ACOX3: variants seen among roughly 807,000 people sequenced by gnomAD.
ACOX3 encodes peroxisomal acyl-coenzyme A oxidase 3.
In ACOX3, 73 loss-of-function variants were observed where a neutral mutation model predicts 81.5. The ratio of observed to expected loss-of-function variants is 0.90; its 90% confidence interval spans 0.74 to 1.09. The LOEUF is 1.09. ACOX3 is among the 50% of genes least tolerant of loss of function. ACOX3 has a pLI of 0.00. For missense variants in ACOX3, 947 were observed against 928.0 expected (o/e 1.02, Z -0.27); for synonymous variants, 387 against 375.1 (o/e 1.03, Z -0.37).
intron 1 of ACOX3, among the ~76,000 whole-genome samples, chr4:8,435,020 A>T (rs1056242707): frequency 7.9e-5 from 12 of 152,352 alleles, no homozygotes; most frequent in African/African-American, 2.6e-4. Context: ...ACACAAAGTA[A>T]GCCCACTCCG....
rs1722105125 is a variant in ACOX3 at position 8,414,395 on chromosome 4, C to T, written c.454-14G>A. 11 of 1,610,942 alleles carry T rather than the reference C, an allele frequency of 6.8e-6. No individual in the cohort carries two copies. Among genetic ancestry groups the T allele is most frequent in the Non-Finnish European group, 9.3e-6 (11 of 1,177,064 alleles). ...ACATCCAAAAATCTAAATGTCAAAG[C>T]ACAAAATGATGGAAAGCAAGAAAAG... is the stretch of plus-strand genomic sequence containing the variant. On this transcript the variant is annotated splice_polypyrimidine_tract_variant and intron_variant, in intron 4 of 17. Transcript: ENST00000356406. The surrounding 1 kb of genome is among the most constrained non-coding windows in gnomAD (Gnocchi z 6.1).
chr4:8,375,233 C>T, intron 14 of ACOX3, 81 bp from the exon 15 acceptor site: 3 of 1,387,660 alleles, frequency 2.2e-6, no homozygotes, highest in Non-Finnish European at 2.9e-6. Flanking sequence ...TCTCAGGAAA[C>T]ACGAACGCGG....
chr4:8,405,879 G>C lies in ACOX3; in HGVS notation c.776+76C>G, dbSNP rs181069926. The C allele has an allele frequency of 5.0e-4, 704 of 1,419,672 alleles. 1 individual carries two copies. The highest frequency in any genetic ancestry group is 1.2e-3 in the Admixed American group (69 of 59,672). 87.9% of individuals were successfully genotyped at this position (1,419,672 alleles called of 1,614,324 possible). On this transcript the variant is annotated intron_variant, in intron 7 of 17. Coordinates refer to ENST00000356406, the MANE Select transcript of ACOX3 (RefSeq NM_003501.3). The surrounding 1 kb of genome is among the most constrained non-coding windows in gnomAD (Gnocchi z 7.1). ...AGGGCATGGCATCCATGGGGCCAGT[G>C]AGATCTCAGACATGAGCGACAACGC...
intron 14 of ACOX3, among the ~76,000 whole-genome samples, chr4:8,380,899 G>T (rs1172899322): frequency 6.6e-6 from 1 of 152,186 alleles, no homozygotes; most frequent in African/African-American, 2.4e-5. Context: ...GACAGGGTGG[G>T]GGCTGGGCTC....
At chr4:8,393,641 A>ACACATG (rs1719327015) in intron 10 of ACOX3, among the ~76,000 whole-genome samples, 1 of 52,942 alleles carries the variant, frequency 1.9e-5, no homozygotes, top group Non-Finnish European at 4.3e-5. Context: ...ACACACGCAC[A>ACACATG]CACACACACA....
In ACOX3 at chr4:8,386,394, G is replaced by A. The variant is rs568578503; in HGVS notation, c.1537+2779C>T. Among the ~76,000 whole-genome samples the A allele has an allele frequency of 1.1e-4, 17 of 151,912 alleles. No individual in the cohort carries two copies. In the East Asian group the frequency reaches 2.3e-3, roughly 21 times the overall value. On this transcript the variant is annotated intron_variant, in intron 13 of 17. Coordinates refer to ENST00000356406, the MANE Select transcript of ACOX3 (RefSeq NM_003501.3). This position sits in a 1 kb window ranked among gnomAD's most constrained non-coding sequence, Gnocchi z 5.2. ...ATCCTGCCTAACACGGTGAAACTCC[G>A]TCTCTACTAAAAATACAAAAAATTA...
At position 8,389,993 on chromosome 4, in the gene ACOX3, C is replaced by T. The variant is rs1718770077; in HGVS notation, c.1301-259G>A. ...TGGTGTGTGCCTGTAATCTCAGCTA[C>T]TCGGGAGGCTGAGGCAGGAGAATCG... On this transcript the variant is annotated intron_variant, in intron 11 of 17. Coordinates refer to ENST00000356406, the MANE Select transcript of ACOX3 (RefSeq NM_003501.3). This position sits in a 1 kb window ranked among gnomAD's most constrained non-coding sequence, Gnocchi z 5.3. Among the ~76,000 whole-genome samples, 1 of 151,782 alleles carries T rather than the reference C, an allele frequency of 6.6e-6. No homozygotes were observed. The highest frequency in any genetic ancestry group is 1.5e-5 in the Non-Finnish European group (1 of 67,972).
intron 13 of ACOX3, among the ~76,000 whole-genome samples, chr4:8,387,463 G>A (rs981967983): frequency 2.0e-5 from 3 of 152,240 alleles, no homozygotes; most frequent in South Asian, 2.1e-4. Context: ...ACAGGGCGTC[G>A]GGACCCCTCT....
intron 1 of ACOX3, among the ~76,000 whole-genome samples, chr4:8,440,258 G>A (rs1051220833): frequency 1.3e-5 from 2 of 152,174 alleles, no homozygotes; most frequent in South Asian, 2.1e-4. Flanking sequence ...CGATGCTCCC[G>A]GCCGAATAAA....
the ACOX3 span, chr4:8,356,006 G>A: frequency 1.7e-5 from 3 of 174,878 alleles, no homozygotes; most frequent in Non-Finnish European, 2.5e-5. Context: ...TCATCAGGTC[G>A]GCAACAGGCA....
In ACOX3 at chr4:8,392,393, T is replaced by C. The variant is rs765947457; in HGVS notation, c.1240A>G (p.Thr414Ala). The change falls in exon 11 of 18, where the codon ACC becomes GCC. Residue 414 changes from threonine to alanine, a missense_variant. Transcript: ENST00000356406. The part of the protein sequence containing the change: ...ASASKPLASW[T>A]TQQGIQECRE... ...CATTCCTGAATTCCTTGCTGGGTGGTCCACGAGGCCAGGGGCTTGCTGGCC... is the reference window on the plus strand; with the variant it reads ...CATTCCTGAATTCCTTGCTGGGTGGCCCACGAGGCCAGGGGCTTGCTGGCC... 20 of 1,609,316 alleles carry C rather than the reference T, an allele frequency of 1.2e-5. No individual in the cohort carries two copies. Among genetic ancestry groups the C allele is most frequent in the Non-Finnish European group, 1.7e-5 (20 of 1,178,406 alleles).
chr4:8,389,560 C>T lies in ACOX3; in HGVS notation c.1423+52G>A, dbSNP rs1718711297. Reference sequence around the variant, plus strand: ...AATCAGTGAGGCCAGGAGAACCCACCCCTGCCCCAGTTGGGTTCCAGCGCC... The same window carrying T: ...AATCAGTGAGGCCAGGAGAACCCACTCCTGCCCCAGTTGGGTTCCAGCGCC... On this transcript the variant is annotated intron_variant, in intron 12 of 17. Transcript: ENST00000356406. This position sits in a 1 kb window ranked among gnomAD's most constrained non-coding sequence, Gnocchi z 5.3. 6.2e-7 allele frequency: 1 copy of T among 1,610,628 alleles called. No homozygotes were observed. The highest frequency in any genetic ancestry group is 1.3e-5 in the African/African-American group (1 of 74,894).
chr4:8,387,792 C>T (rs1221099578), intron 13 of ACOX3, among the ~76,000 whole-genome samples: 4 of 152,174 alleles, frequency 2.6e-5, no homozygotes, highest in African/African-American at 7.2e-5. Flanking sequence ...ATCCTCGCTC[C>T]GCCCCTCCCT....
chr4:8,405,881 G>C lies in ACOX3; in HGVS notation c.776+74C>G. 7.0e-7 allele frequency: 1 copy of C among 1,431,174 alleles called. No individual in the cohort carries two copies. The highest frequency in any genetic ancestry group is 9.9e-7 in the Non-Finnish European group (1 of 1,014,518). 88.7% of individuals were successfully genotyped at this position (1,431,174 alleles called of 1,614,324 possible). ...GGCATGGCATCCATGGGGCCAGTGA[G>C]ATCTCAGACATGAGCGACAACGCAG... On this transcript the variant is annotated intron_variant, in intron 7 of 17. Coordinates refer to ENST00000356406, the MANE Select transcript of ACOX3 (RefSeq NM_003501.3). The surrounding 1 kb of genome is among the most constrained non-coding windows in gnomAD (Gnocchi z 7.1).
chr4:8,426,254 T>A (rs763250698), intron 1 of ACOX3, among the ~76,000 whole-genome samples: 2 of 151,848 alleles, frequency 1.3e-5, no homozygotes, highest in Non-Finnish European at 2.9e-5. Context: ...ATTAGTCAAG[T>A]CCCTTCCCTC....
intron 11 of ACOX3, among the ~76,000 whole-genome samples, chr4:8,391,179 C>T (rs1375677510): frequency 6.6e-6 from 1 of 152,178 alleles, no homozygotes; most frequent in African/African-American, 2.4e-5. Flanking sequence ...ACAAAAACTA[C>T]TAAGGGCATT....
rs1009316328 is a variant in ACOX3, at chr4:8,374,995, G to C, written c.1811C>G (p.Ala604Gly). Residue 604 changes from alanine (A) to glycine (G), a missense_variant, in exon 15 of 18, where the codon GCG (alanine) becomes GGG (glycine). Transcript: ENST00000356406. ...AGCCTCACCTCGGTAGAGCAGGGCC[G>C]CGTGGCGGCTCAGGGACCACAGGGC... ...LYALWSLSRH[A>G]ALLYRGGYFS... 3 of 1,531,024 alleles carry C rather than the reference G, an allele frequency of 2.0e-6. No individual in the cohort carries two copies. Among genetic ancestry groups the C allele is most frequent in the Non-Finnish European group, 8.8e-7 (1 of 1,132,004 alleles). The allele number at this position is 1,531,024 out of a possible 1,614,324, so 94.8% of individuals were successfully genotyped here. A position where few individuals can be genotyped will look rare whatever the true frequency, so the allele number is the denominator to read the frequency against.
At chr4:8,388,974 G>T (rs186506604) in intron 13 of ACOX3, among the ~76,000 whole-genome samples, 199 bp downstream of exon 13, 1 of 152,306 alleles carries the variant, frequency 6.6e-6, no homozygotes, top group East Asian at 1.9e-4. Flanking sequence ...TTCATCTGTG[G>T]AGTCAGCGCC....
chr4:8,422,165 G>C (rs1459497119), intron 1 of ACOX3, among the ~76,000 whole-genome samples: 1 of 151,998 alleles, frequency 6.6e-6, no homozygotes, highest in African/African-American at 2.4e-5. Flanking sequence ...GAAAGAGAGA[G>C]AGAAGAGAGA....
Sources: allele counts gnomAD v4.1 joint callset (sites outside exome capture counted in the v4.1 genomes callset), GRCh38; gene constraint gnomAD v4.1.1; non-coding constraint Gnocchi (gnomAD v3.1); transcripts MANE v1.5; gene names NCBI Gene and HGNC (gene_info 2026-07-23, HGNC 2026-07-21).